Variants in RNF139 observed in about 807,000 individuals in gnomAD.
The protein encoded by RNF139 is E3 ubiquitin-protein ligase RNF139.
Under a neutral mutation model 49.5 loss-of-function variants are expected in RNF139, and 15 were observed. The observed-to-expected ratio is 0.30, with a 90% CI of 0.20 to 0.47. The LOEUF (loss-of-function observed/expected upper bound fraction) is 0.47, where lower values mean the gene tolerates loss of function less well. Ranked by LOEUF, RNF139 falls within the 20% of genes least tolerant of loss-of-function variation. RNF139 has a pLI of 1.00. For missense variants in RNF139, 619 were observed against 806.3 expected, an observed-to-expected ratio of 0.77 and a Z score of 2.81; for synonymous variants, 325 against 300.9, an observed-to-expected ratio of 1.08 and a Z score of -0.83.
intron 1 of RNF139, among the ~76,000 whole-genome samples, chr8:124,481,565 A>T (rs984123528): frequency 1.3e-5 from 2 of 152,126 alleles, no homozygotes; most frequent in African/African-American, 4.8e-5. Flanking sequence ...ATAGTTTCAA[A>T]GTTCCTGAAT....
rs144937977 is a variant in RNF139, at chr8:124,488,151, G to A, written c.*507G>A. Among the ~76,000 whole-genome samples the A allele has an allele frequency of 5.1e-3, 779 of 152,256 alleles. 30 individuals are homozygous for A. In the East Asian group the frequency reaches 0.069, roughly 13 times the overall value. On this transcript the variant is annotated 3_prime_UTR_variant, in exon 2 of 2. Coordinates refer to ENST00000303545, the MANE Select transcript of RNF139 (RefSeq NM_007218.4). ...AAATTAGCTGCCAGAAGCAACTGAGGACCTTTTTTGAAACTTGAGTAGCAG... is the reference window on the plus strand; with the variant it reads ...AAATTAGCTGCCAGAAGCAACTGAGAACCTTTTTTGAAACTTGAGTAGCAG...
intron 1 of RNF139, among the ~76,000 whole-genome samples, chr8:124,476,228 G>A (rs1463982038): frequency 6.6e-6 from 1 of 152,214 alleles, no homozygotes. Flanking sequence ...TCCTTCAAAA[G>A]AGGAGTGGCA....
rs1263772145 is a variant in RNF139 at position 124,478,460 on chromosome 8, T to G, written c.181+3170T>G. ...GCACAACCCGTGTCTACCAAAAAAT[T>G]AGCCGGGTGCAGTGACTCCTGCCCA... is the stretch of plus-strand genomic sequence containing the variant. On this transcript the variant is annotated intron_variant, in intron 1 of 1. Coordinates refer to ENST00000303545, the MANE Select transcript of RNF139 (RefSeq NM_007218.4). 2.0e-5 allele frequency among the ~76,000 whole-genome samples: 3 copies of G among 151,652 alleles called. No individual in the cohort carries two copies. The East Asian group carries it at 6.0e-4, about 30-fold the overall frequency.
At chr8:124,478,701 A>G (rs1816352369) in intron 1 of RNF139, among the ~76,000 whole-genome samples, 1 of 151,794 alleles carries the variant, frequency 6.6e-6, no homozygotes, top group South Asian at 2.1e-4. Context: ...TGAAATAGGT[A>G]AATTTATACA....
At position 124,487,798 on chromosome 8, in the gene RNF139, T is replaced by C. The variant is rs904566434; in HGVS notation, c.*154T>C. On this transcript the variant is annotated 3_prime_UTR_variant, in exon 2 of 2. Transcript: ENST00000303545. ...TTTTCCGTTTACTGTGATGTGCTACTGTAAATATACCTCTTTAATTACTTC... is the reference window on the plus strand; with the variant it reads ...TTTTCCGTTTACTGTGATGTGCTACCGTAAATATACCTCTTTAATTACTTC... 2 of 675,048 alleles carry C rather than the reference T, an allele frequency of 3.0e-6. No individual in the cohort carries two copies. Among genetic ancestry groups the C allele is most frequent in the Non-Finnish European group, 4.9e-6 (2 of 411,038 alleles). The allele number at this position is 675,048 out of a possible 1,614,324, so 41.8% of individuals were successfully genotyped here.
intron 1 of RNF139, among the ~76,000 whole-genome samples, chr8:124,480,888 A>C (rs992974934): frequency 3.3e-5 from 5 of 152,172 alleles, no homozygotes; most frequent in African/African-American, 1.2e-4. Flanking sequence ...AAGCTATGTC[A>C]GAAAATGGGA....
At chr8:124,484,343 G>A (rs1029588363) in intron 1 of RNF139, among the ~76,000 whole-genome samples, 1 of 152,132 alleles carries the variant, frequency 6.6e-6, no homozygotes, top group Admixed American at 6.5e-5. Context: ...TTTGAGCAGG[G>A]AATGAAGAAA....
chr8:124,479,005 G>A (rs543992161), intron 1 of RNF139, among the ~76,000 whole-genome samples: 2 of 152,244 alleles, frequency 1.3e-5, no homozygotes, highest in South Asian at 2.1e-4. Flanking sequence ...GATTACAGGC[G>A]TGAGCCACCG....
At position 124,485,816 on chromosome 8, in the gene RNF139, C is replaced by T. The variant is rs1244253083; in HGVS notation, c.182-15C>T. The T allele has an allele frequency of 1.3e-6, 2 of 1,550,566 alleles. No individual in the cohort carries two copies. The highest frequency in any genetic ancestry group is 1.4e-5 in the African/African-American group (1 of 72,698). ...AAATACTTCATTCAAATGACTTTTT[C>T]TTTCTTTCTTTTAGGTGTATTTGCA... On this transcript the variant is annotated splice_polypyrimidine_tract_variant and intron_variant, in intron 1 of 1. Transcript: ENST00000303545.
At chr8:124,483,128 A>ATATATATATTTTTAATATATATATTTTT (rs1586524826) in intron 1 of RNF139, among the ~76,000 whole-genome samples, 1 of 103,544 alleles carries the variant, frequency 9.7e-6, no homozygotes, top group Non-Finnish European at 1.9e-5. Flanking sequence ...ATATATTTAA[A>ATATATATATTTTTAATATATATATTTTT]AGAGCCTGTT....
In RNF139 at chr8:124,488,113, A is replaced by AAAACT. The variant is rs1816576615; in HGVS notation, c.*473_*477dup. ...GATAAAGGACATGAGAGAGTATTTT[A>AAAACT]AAACTAAAGAAAAAATTAGCTGCCA... On this transcript the variant is annotated 3_prime_UTR_variant, in exon 2 of 2. Transcript: ENST00000303545. Among the ~76,000 whole-genome samples the AAAACT allele has an allele frequency of 6.6e-6, 1 of 152,222 alleles. No homozygotes were observed. The highest frequency in any genetic ancestry group is 2.4e-5 in the African/African-American group (1 of 41,454).
At chr8:124,480,895 G>A (rs916108550) in intron 1 of RNF139, among the ~76,000 whole-genome samples, 1 of 152,064 alleles carries the variant, frequency 6.6e-6, no homozygotes, top group Non-Finnish European at 1.5e-5. Context: ...GTCAGAAAAT[G>A]GGACAAAGAC....
At chr8:124,477,559 CT>C (rs1319799999) in intron 1 of RNF139, among the ~76,000 whole-genome samples, 5 of 152,280 alleles carry the variant, frequency 3.3e-5, no homozygotes, top group African/African-American at 9.6e-5. Flanking sequence ...ATTTACTCCC[CT>C]CTACCTACAA....
At chr8:124,478,310 C>G (rs72713055) in intron 1 of RNF139, among the ~76,000 whole-genome samples, 13,320 of 151,996 alleles carry the variant, frequency 0.088, 661 homozygotes, top group East Asian at 0.16. Context: ...AGTACCTAGC[C>G]TTGTTTATAA....
intron 1 of RNF139, among the ~76,000 whole-genome samples, chr8:124,482,851 G>A (rs1253469921): frequency 1.4e-5 from 2 of 146,448 alleles, no homozygotes; most frequent in East Asian, 2.0e-4. Flanking sequence ...GCTTGAACCT[G>A]GGAGGCAGAG....
rs1816524739 is a variant in RNF139 at position 124,486,179 on chromosome 8, C to T, written c.530C>T (p.Thr177Ile). The change falls in exon 2 of 2, where the codon ACT becomes ATT. Residue 177 changes from threonine to isoleucine, a missense_variant. Around this residue, in one of 2 missense-constraint regions of RNF139, gnomAD observed 530 missense variants for 728.9 expected, o/e 0.73. Coordinates refer to ENST00000303545, the MANE Select transcript of RNF139 (RefSeq NM_007218.4). ...GAGCTACCATTACACATCAGAGAGA[C>T]TTTACTGTTTACTTCTTCCTTGATT... ...ITELPLHIRETLLFTSSLILT... is the reference protein window; with the variant it reads ...ITELPLHIREILLFTSSLILT... The T allele has an allele frequency of 6.2e-7, 1 of 1,614,188 alleles. No individual in the cohort carries two copies. Among genetic ancestry groups the T allele is most frequent in the African/African-American group, 1.3e-5 (1 of 75,054 alleles).
At position 124,486,431 on chromosome 8, in the gene RNF139, A is replaced by G. The variant is rs200148156; in HGVS notation, c.782A>G (p.Asn261Ser). 9.9e-6 allele frequency: 16 copies of G among 1,614,208 alleles called. No individual in the cohort carries two copies. The East Asian group carries it at 3.3e-4, about 34-fold the overall frequency. ...TTAATGTACATCTTAAGGATGGCAA[A>G]TGAAACTGATTCCTTCTTTATTTCT... ...TVLMYILRMA[N>S]ETDSFFISWD... The change falls in exon 2 of 2, where the codon AAT (asparagine) becomes AGT (serine). Residue 261 changes from asparagine to serine, a missense_variant. Transcript: ENST00000303545.
Position 124,476,844 on chromosome 8 carries a change from C to CT in RNF139, c.181+1554_181+1555insT, listed in dbSNP as rs1190859786. Among the ~76,000 whole-genome samples, 5 of 152,272 alleles carry CT rather than the reference C, an allele frequency of 3.3e-5. No homozygotes were observed. The East Asian group carries it at 9.6e-4, about 29-fold the overall frequency. On this transcript the variant is annotated intron_variant, in intron 1 of 1. Transcript: ENST00000303545. ...TGTTGAGCTTCAGGTTAGGCAGCTT[C>CT]AAGGAAAAGAAGTATTTTCTTTAAT...
chr8:124,483,021 A>T (rs1816460531), intron 1 of RNF139, among the ~76,000 whole-genome samples: 1 of 87,886 alleles, frequency 1.1e-5, no homozygotes, highest in African/African-American at 7.1e-5. Context: ...ATATATATAT[A>T]TATTTAAATA....
Sources: gnomAD v4.1 joint callset for allele counts (sites outside exome capture counted in the v4.1 genomes callset) on GRCh38, gnomAD v4.1.1 for gene constraint, gnomAD v4.1.1 regional missense constraint, MANE v1.5 for transcripts, NCBI Gene and HGNC (gene_info 2026-07-23, HGNC 2026-07-21) for gene names.